The following ARHGAP9 variants were observed in gnomAD, a reference collection of about 807,000 sequenced individuals.
ARHGAP9 encodes rho GTPase-activating protein 9.
A neutral mutation model predicts 87.3 loss-of-function variants in ARHGAP9; 76 were observed. The observed-to-expected ratio is 0.87, with a 90% confidence interval of 0.72 to 1.05. ARHGAP9 has a LOEUF of 1.05. ARHGAP9 is among the 50% of genes least tolerant of loss of function. The probability of loss-of-function intolerance (pLI) is 0.00; values close to 1 mark genes in which losing one functional copy is unlikely to be tolerated. For synonymous variants in ARHGAP9, 382 were observed against 394.9 expected (o/e 0.97, Z 0.39); for missense variants, 941 against 960.5 (o/e 0.98, Z 0.27).
In ARHGAP9 at chr12:57,476,934, C is replaced by T. The variant is rs143185169; in HGVS notation, c.900G>A (p.Ser300=). ...CCTGCAAGGCTGGAGGGTCAAGCTG[C>T]GAGGTGCGTTGGCTGAGGCTGAGTG... is the stretch of plus-strand genomic sequence containing the variant. ...QGSLSLSQRT[S]QLDPPALQAP... Residue 300 remains serine (S), a synonymous_variant, in exon 6 of 18, where the codon TCG becomes TCA. Transcript: ENST00000393791. The T allele has an allele frequency of 8.7e-5, 141 of 1,611,922 alleles. No individual in the cohort carries two copies. Among genetic ancestry groups the T allele is most frequent in the African/African-American group, 3.5e-4 (26 of 74,274 alleles).
At chr12:57,477,799 T>C (rs1040223161) in intron 3 of ARHGAP9, 119 bp from the exon 4 acceptor site, 10 of 1,534,380 alleles carry the variant, frequency 6.5e-6, no homozygotes, top group Admixed American at 4.0e-5. Flanking sequence ...AGCTCTGGGC[T>C]GAGGTGACCC....
Position 57,474,074 on chromosome 12 carries a change from G to A in ARHGAP9, c.1886C>T (p.Pro629Leu). ...LRELPQPLVP[P>L]LLLPHFRAAL... Reference sequence around the variant, plus strand: ...AGCACGGAAATGGGGCAGCAGCAGTGGTGGCACCAGAGGCTGGGGCAGCTC... The same window carrying A: ...AGCACGGAAATGGGGCAGCAGCAGTAGTGGCACCAGAGGCTGGGGCAGCTC... Residue 629 changes from proline (P) to leucine (L), a missense_variant, in exon 16 of 18, where the codon CCA becomes CTA. Pro to Leu is a moderately conservative substitution (Grantham distance 98). Transcript: ENST00000393791. 6.2e-7 allele frequency: 1 copy of A among 1,614,070 alleles called. No homozygotes were observed. The highest frequency in any genetic ancestry group is 8.5e-7 in the Non-Finnish European group (1 of 1,179,994).
upstream of ARHGAP9, chr12:57,480,139 C>A (rs942180104): frequency 2.0e-6 from 2 of 984,576 alleles, no homozygotes; most frequent in Non-Finnish European, 2.4e-6. Context: ...CCTGTACACA[C>A]AAGCCTCTTG....
At chr12:57,476,835 A>T in intron 6 of ARHGAP9, 36 bp downstream of exon 6, 1 of 1,569,150 alleles carries the variant, frequency 6.4e-7, no homozygotes, top group Non-Finnish European at 8.8e-7. Flanking sequence ...GGGGGCAGGG[A>T]GGATCTTGGC....
At chr12:57,474,807 TG>T (rs1872976846) in intron 13 of ARHGAP9, 67 bp downstream of exon 13, 1 of 1,606,718 alleles carries the variant, frequency 6.2e-7, no homozygotes, top group Non-Finnish European at 8.5e-7. Context: ...CTAGGTAGAA[TG>T]GGGGAGGCAG....
At position 57,476,980 on chromosome 12, in the gene ARHGAP9, G is replaced by A. The variant is rs1251289266; in HGVS notation, c.871-17C>T. ...GAGTGAACCCTAGGGGAGAGGATTG[G>A]AGAAACAGGTGGGGAAACGCTCGAC... On this transcript the variant is annotated splice_polypyrimidine_tract_variant and intron_variant, in intron 5 of 17. Coordinates refer to ENST00000393791, the MANE Select transcript of ARHGAP9 (RefSeq NM_032496.4). The A allele has an allele frequency of 6.2e-7, 1 of 1,607,976 alleles. No homozygotes were observed. The highest frequency in any genetic ancestry group is 1.7e-5 in the Admixed American group (1 of 59,670).
chr12:57,487,981 A>G, intron 1 of ARHGAP9: 3 of 815,716 alleles, frequency 3.7e-6, no homozygotes, highest in Admixed American at 1.9e-5. Context: ...TAGCGGTGCC[A>G]GGGCAGTGGC....
At position 57,476,084 on chromosome 12, in the gene ARHGAP9, C is replaced by A; in HGVS notation, c.1199G>T (p.Arg400Leu). The change falls in exon 9 of 18, where the codon CGC (arginine) becomes CTC (leucine). Residue 400 changes from arginine (R) to leucine (L), a missense_variant. Coordinates refer to ENST00000393791, the MANE Select transcript of ARHGAP9 (RefSeq NM_032496.4). ...GAGGGCGCTCACGTGCAGGACGTTG[C>A]GGCGGCTGGACAGGTGGCGGCCGTG... ...LAHGRHLSSR[R>L]NVLHIRTIPG... is the part of the protein sequence containing the mutation. The A allele has an allele frequency of 2.0e-6, 3 of 1,536,250 alleles. No individual in the cohort carries two copies. The highest frequency in any genetic ancestry group is 1.8e-6 in the Non-Finnish European group (2 of 1,142,492).
At position 57,478,568 on chromosome 12, in the gene ARHGAP9, T is replaced by C. The variant is rs1874551146; in HGVS notation, c.506A>G (p.Asp169Gly). The C allele has an allele frequency of 6.2e-7, 1 of 1,613,984 alleles. No individual in the cohort carries two copies. Among genetic ancestry groups the C allele is most frequent in the Non-Finnish European group, 8.5e-7 (1 of 1,180,034 alleles). ...GPSGRSLSQE[D>G]LPSEASASTA... is the part of the protein sequence containing the mutation. Reference sequence around the variant, plus strand: ...GCTGGCACTGGCTTCTGACGGCAAGTCTTCCTGGGAGAGGGATCTTCCGCT... The same window carrying C: ...GCTGGCACTGGCTTCTGACGGCAAGCCTTCCTGGGAGAGGGATCTTCCGCT... Residue 169 changes from aspartate to glycine, a missense_variant, in exon 3 of 18, where the codon GAC (aspartate) becomes GGC (glycine). Transcript: ENST00000393791.
At chr12:57,478,800 GTGT>G (rs753076761) in intron 2 of ARHGAP9, 43 bp from the exon 3 acceptor site, 21 of 1,547,818 alleles carry the variant, frequency 1.4e-5, no homozygotes, top group South Asian at 4.8e-5. Flanking sequence ...GTGATCAGAG[GTGT>G]TGTTGTAACT....
chr12:57,488,131 C>A, intron 1 of ARHGAP9: 3 of 1,614,150 alleles, frequency 1.9e-6, no homozygotes, highest in African/African-American at 1.3e-5. Flanking sequence ...GGTTGCTTGC[C>A]GGTGCTGGCC....
upstream of ARHGAP9, chr12:57,480,789 T>G: frequency 6.4e-7 from 1 of 1,550,514 alleles, no homozygotes; most frequent in Non-Finnish European, 8.7e-7. Context: ...TGGCCACTCC[T>G]CTTTTCCTCT....
chr12:57,475,793 G>A (rs749991709), intron 10 of ARHGAP9, 40 bp downstream of exon 10: 3 of 1,606,350 alleles, frequency 1.9e-6, no homozygotes, highest in Middle Eastern at 1.7e-4. Flanking sequence ...CCTTGGTCCC[G>A]GCCGGTCGGA....
chr12:57,476,169 G>A lies in ARHGAP9; in HGVS notation c.1117-3C>T, dbSNP rs1873584280. 6.5e-7 allele frequency: 1 copy of A among 1,536,204 alleles called. No individual in the cohort carries two copies. Among genetic ancestry groups the A allele is most frequent in the African/African-American group, 1.4e-5 (1 of 72,636 alleles). On this transcript the variant is annotated splice_polypyrimidine_tract_variant and splice_region_variant and intron_variant, in intron 8 of 17. Coordinates refer to ENST00000393791, the MANE Select transcript of ARHGAP9 (RefSeq NM_032496.4). The stretch of plus-strand genomic sequence containing the variant: ...TCGGGCCGGCTACCCGCTGGTCCCT[G>A]ACAATGAGGGAGGAAACTGAGGCCA...
chr12:57,481,531 G>A (rs781526304), upstream of ARHGAP9, among the ~76,000 whole-genome samples: 1 of 152,052 alleles, frequency 6.6e-6, no homozygotes, highest in Non-Finnish European at 1.5e-5. Context: ...GATTACAGGC[G>A]TAAGCCACCG....
Position 57,477,460 on chromosome 12 carries a change from G to T in ARHGAP9, c.755C>A (p.Thr252Lys). 6.2e-7 allele frequency: 1 copy of T among 1,614,018 alleles called. No individual in the cohort carries two copies. The highest frequency in any genetic ancestry group is 1.1e-5 in the South Asian group (1 of 91,060). ...WKPPRRSRSE[T>K]NPGSMEGTQT... Reference sequence around the variant, plus strand: ...GAGAAGCAGGAGGTAAGGTCTCACCGTCTCGCTGCGACTGCGGCGCGGGGG... The same window carrying T: ...GAGAAGCAGGAGGTAAGGTCTCACCTTCTCGCTGCGACTGCGGCGCGGGGG... The change falls in exon 4 of 18, where the codon ACG (threonine) becomes AAG (lysine). Residue 252 changes from threonine (T) to lysine (K), a missense_variant and splice_region_variant. Physicochemically the swap from Thr to Lys is moderately conservative, Grantham distance 78. Coordinates refer to ENST00000393791, the MANE Select transcript of ARHGAP9 (RefSeq NM_032496.4).
At chr12:57,488,082 C>G (rs918619996) in intron 1 of ARHGAP9, 4 of 1,612,596 alleles carry the variant, frequency 2.5e-6, no homozygotes, top group Non-Finnish European at 3.4e-6. Context: ...GCGAGGGATT[C>G]ACGGCGAAAT....
chr12:57,488,092 TGA>T (rs1565635583), intron 1 of ARHGAP9: 1 of 1,604,698 alleles, frequency 6.2e-7, no homozygotes, highest in East Asian at 2.2e-5. Context: ...CACGGCGAAA[TGA>T]GACTGTTCGT....
chr12:57,484,008 T>C (rs1464966684), upstream of ARHGAP9: 6 of 325,984 alleles, frequency 1.8e-5, no homozygotes, highest in Non-Finnish European at 3.7e-5. Flanking sequence ...GCCACTGCAC[T>C]CCAGCCTAGG....
Sources: allele counts gnomAD v4.1 joint callset (sites outside exome capture counted in the v4.1 genomes callset), GRCh38; gene constraint gnomAD v4.1.1; transcripts MANE v1.5; gene names NCBI Gene and HGNC (gene_info 2026-07-23, HGNC 2026-07-21).